TENM2: variants seen among roughly 807,000 people sequenced by gnomAD.
TENM2 encodes the protein teneurin transmembrane protein 2, also known as teneurin-2.
TENM2 carries 52 observed loss-of-function variants against 245.2 expected under a neutral mutation model. That is an observed-to-expected ratio of 0.21 (90% CI 0.17 to 0.27). TENM2 has a LOEUF of 0.27. Ranked by LOEUF, TENM2 falls within the 10% of genes least tolerant of loss-of-function variation. The pLI, the probability that TENM2 is intolerant of heterozygous loss-of-function variation, is 1.00. For synonymous variants in TENM2, 1,363 were observed against 1,438.9 expected, an observed-to-expected ratio of 0.95 and a Z score of 1.19; for missense variants, 3,046 against 3,666.8, an observed-to-expected ratio of 0.83 and a Z score of 4.37.
intron 26 of TENM2, among the ~76,000 whole-genome samples, chr5:168,245,017 T>G (rs1317629449): frequency 6.6e-6 from 1 of 152,078 alleles, no homozygotes; most frequent in African/African-American, 2.4e-5. Context: ...ATCGCCCACC[T>G]CAGCCTCCCA....
intron 2 of TENM2, among the ~76,000 whole-genome samples, chr5:167,776,747 T>C (rs1255542053): frequency 2.0e-5 from 3 of 151,372 alleles, no homozygotes; most frequent in African/African-American, 7.3e-5. Flanking sequence ...CTTTCTTGCA[T>C]AAACCACTCC....
At position 168,244,028 on chromosome 5, in the gene TENM2, T is replaced by C. The variant is rs1271950566; in HGVS notation, c.5521-392T>C. ...ATTTCAGCTCACTGCCATCTCCACC[T>C]CCCAGGTTCAAGTGATTCTCCTGCC... is the stretch of plus-strand genomic sequence containing the variant. On this transcript the variant is annotated intron_variant, in intron 25 of 28. Transcript: ENST00000518659. This position sits in a 1 kb window ranked among gnomAD's most constrained non-coding sequence, Gnocchi z 4.9. Among the ~76,000 whole-genome samples the C allele has an allele frequency of 7.0e-6, 1 of 143,474 alleles. No homozygotes were observed. The highest frequency in any genetic ancestry group is 1.5e-5 in the Non-Finnish European group (1 of 65,998). 94.1% of individuals were successfully genotyped at this position (143,474 alleles called of 152,430 possible).
intron 5 of TENM2, among the ~76,000 whole-genome samples, chr5:168,016,071 T>G (rs1183994954): frequency 6.6e-6 from 1 of 152,200 alleles, no homozygotes; most frequent in African/African-American, 2.4e-5. Context: ...TTCCAGAGCC[T>G]TGGTTCCTCC....
At chr5:168,078,921 T>G (rs987989600) in intron 7 of TENM2, among the ~76,000 whole-genome samples, 1 of 152,214 alleles carries the variant, frequency 6.6e-6, no homozygotes, top group African/African-American at 2.4e-5. Flanking sequence ...GGGCTCTTTT[T>G]TGGTTCCATA....
intron 2 of TENM2, among the ~76,000 whole-genome samples, chr5:167,655,405 C>T (rs1754775269): frequency 6.6e-6 from 1 of 152,144 alleles, no homozygotes; most frequent in South Asian, 2.1e-4. Flanking sequence ...ATCATATGGC[C>T]ACCTCTTGAC....
chr5:167,867,516 G>A (rs1772426899), intron 2 of TENM2, among the ~76,000 whole-genome samples: 1 of 152,134 alleles, frequency 6.6e-6, no homozygotes, highest in South Asian at 2.1e-4. Flanking sequence ...TTCACAATTG[G>A]GATAGTTTTG....
chr5:167,099,372 T>A, the TENM2 span, among the ~76,000 whole-genome samples: 1 of 152,192 alleles, frequency 6.6e-6, no homozygotes, highest in Non-Finnish European at 1.5e-5. Context: ...AATAATTATA[T>A]TGCAGCTTAT....
At chr5:167,327,294 C>A (rs569136759) in intron 1 of TENM2, among the ~76,000 whole-genome samples, 52 of 152,188 alleles carry the variant, frequency 3.4e-4, no homozygotes, top group African/African-American at 1.2e-3. Flanking sequence ...TTTGTCCTTG[C>A]GATAGTTTGC....
chr5:167,148,181 G>T, the TENM2 span, among the ~76,000 whole-genome samples: 1 of 152,150 alleles, frequency 6.6e-6, no homozygotes, highest in East Asian at 1.9e-4. Context: ...CAACCCCTGT[G>T]GCTCACCCTG....
intron 3 of TENM2, among the ~76,000 whole-genome samples, chr5:167,894,921 AGAAGGAAGGAAGGAAGGAAG>A (rs368233260): frequency 0.03 from 2,468 of 82,938 alleles, 70 homozygotes; most frequent in African/African-American, 0.068. Flanking sequence ...CACCCTGGAA[AGAAGGAAGGAAGGAAGGAAG>A]GAAGGAAGGA....
chr5:168,125,002 G>A (rs920186019), exon 11 of TENM2: 3 of 1,610,826 alleles, frequency 1.9e-6, no homozygotes, highest in South Asian at 1.1e-5. Flanking sequence ...GCCTGACACG[G>A]GCCTCTGCAG....
At chr5:167,947,146 C>A (rs906690252) in intron 3 of TENM2, among the ~76,000 whole-genome samples, 2 of 152,098 alleles carry the variant, frequency 1.3e-5, no homozygotes, top group Non-Finnish European at 2.9e-5. Context: ...TGAATATCCC[C>A]CTCCAAGAAC....
At chr5:167,461,097 C>A (rs746504405) in intron 2 of TENM2, among the ~76,000 whole-genome samples, 1 of 151,922 alleles carries the variant, frequency 6.6e-6, no homozygotes, top group Non-Finnish European at 1.5e-5. Flanking sequence ...AAGCATTATG[C>A]GTCAATATTG....
At chr5:167,225,345 C>G in the TENM2 span, among the ~76,000 whole-genome samples, 5 of 151,886 alleles carry the variant, frequency 3.3e-5, no homozygotes, top group Non-Finnish European at 7.4e-5. Flanking sequence ...TCGTTTAATG[C>G]CTAGTTTGTT....
At chr5:167,064,040 T>A in the TENM2 span, among the ~76,000 whole-genome samples, 4 of 152,290 alleles carry the variant, frequency 2.6e-5, no homozygotes, top group South Asian at 8.3e-4. Context: ...CATCTGTTTG[T>A]CACCCAGCAG....
intron 2 of TENM2, among the ~76,000 whole-genome samples, chr5:167,483,230 T>C (rs576835624): frequency 1.3e-5 from 2 of 152,320 alleles, no homozygotes; most frequent in Admixed American, 1.3e-4. Context: ...CAGGCTATGA[T>C]AAAGACAAAC....
At chr5:167,086,929 GCACACACA>G in the TENM2 span, among the ~76,000 whole-genome samples, 4,796 of 90,860 alleles carry the variant, frequency 0.053, 98 homozygotes, top group South Asian at 0.13. Flanking sequence ...ACACACACAC[GCACACACA>G]CACACACACA....
chr5:167,761,839 G>A (rs540736292), intron 2 of TENM2, among the ~76,000 whole-genome samples: 194 of 152,266 alleles, frequency 1.3e-3, no homozygotes, highest in African/African-American at 4.3e-3. Flanking sequence ...GACACATTCA[G>A]CAATTATCAT....
At chr5:167,915,326 C>G (rs966037776) in intron 3 of TENM2, among the ~76,000 whole-genome samples, 1 of 152,114 alleles carries the variant, frequency 6.6e-6, no homozygotes. Flanking sequence ...GATGGAAAGA[C>G]AGGAAAACAG....
Sources: gnomAD v4.1 joint callset for allele counts (sites outside exome capture counted in the v4.1 genomes callset) on GRCh38, gnomAD v4.1.1 for gene constraint, Gnocchi (gnomAD v3.1) non-coding constraint, MANE v1.5 for transcripts, NCBI Gene and HGNC (gene_info 2026-07-23, HGNC 2026-07-21) for gene names.